Variants in CSMD1 observed in about 807,000 individuals in gnomAD.
The protein encoded by CSMD1 is CUB and Sushi multiple domains 1, also known as CUB and sushi domain-containing protein 1.
CSMD1 carries 213 observed loss-of-function variants against 417.5 expected under a neutral mutation model. The observed-to-expected ratio is 0.51, with a 90% CI of 0.46 to 0.57. The LOEUF (loss-of-function observed/expected upper bound fraction) is 0.57. CSMD1 is among the 20% of genes least tolerant of loss of function. The probability of loss-of-function intolerance (pLI) is 0.00; values close to 1 mark genes in which losing one functional copy is unlikely to be tolerated. For missense variants in CSMD1, 6,923 were observed against 4,529.7 expected, an observed-to-expected ratio of 1.53 and a Z score of -15.17; for synonymous variants, 2,862 against 1,736.8, an observed-to-expected ratio of 1.65 and a Z score of -16.11.
At chr8:3,662,090 C>T (rs1184539892) in intron 7 of CSMD1, among the ~76,000 whole-genome samples, 3 of 152,104 alleles carry the variant, frequency 2.0e-5, no homozygotes, top group South Asian at 2.1e-4. Context: ...AGAGAAGGAG[C>T]ATGCTTAAAG....
chr8:4,063,848 C>T (rs971281125), intron 3 of CSMD1, among the ~76,000 whole-genome samples: 1 of 152,248 alleles, frequency 6.6e-6, no homozygotes, highest in Admixed American at 6.5e-5. Context: ...CAGGAGTAGA[C>T]TATGACTTTG....
At chr8:4,197,525 G>T (rs748729137) in intron 3 of CSMD1, among the ~76,000 whole-genome samples, 1 of 152,168 alleles carries the variant, frequency 6.6e-6, no homozygotes, top group Admixed American at 6.5e-5. Context: ...GAGTTCCCTT[G>T]CCTGATGGTC....
intron 10 of CSMD1, among the ~76,000 whole-genome samples, chr8:3,501,539 A>C (rs1450539476): frequency 6.6e-6 from 1 of 152,220 alleles, no homozygotes; most frequent in Admixed American, 6.5e-5. Flanking sequence ...TAAATGCTTT[A>C]ATTAATAACT....
At chr8:4,323,203 G>A (rs1022115517) in intron 3 of CSMD1, among the ~76,000 whole-genome samples, 12 of 152,098 alleles carry the variant, frequency 7.9e-5, no homozygotes, top group Non-Finnish European at 1.3e-4. Flanking sequence ...AAACTCCTAT[G>A]CAGACCCATG....
chr8:4,484,570 T>A (rs915582400), intron 2 of CSMD1, among the ~76,000 whole-genome samples: 8 of 152,102 alleles, frequency 5.3e-5, no homozygotes, highest in Non-Finnish European at 1.2e-4. Context: ...CACAGATTCA[T>A]CACTCGCTCT....
At chr8:3,550,024 T>C (rs1798840858) in intron 10 of CSMD1, among the ~76,000 whole-genome samples, 1 of 152,196 alleles carries the variant, frequency 6.6e-6, no homozygotes, top group African/African-American at 2.4e-5. Flanking sequence ...CCTTCTTACA[T>C]TTAACTCTGA....
intron 6 of CSMD1, among the ~76,000 whole-genome samples, chr8:3,738,314 T>C (rs1473699551): frequency 2.0e-5 from 3 of 152,218 alleles, no homozygotes; most frequent in Admixed American, 2.0e-4. Context: ...TATGTGTATT[T>C]TGCATATTTC....
At chr8:3,039,018 T>C (rs879403042) in intron 50 of CSMD1, among the ~76,000 whole-genome samples, 1 of 152,122 alleles carries the variant, frequency 6.6e-6, no homozygotes, top group Non-Finnish European at 1.5e-5. Flanking sequence ...GGTCAACTCT[T>C]GAGTACTTTG....
intron 3 of CSMD1, among the ~76,000 whole-genome samples, chr8:4,094,352 T>A (rs1274349950): frequency 6.6e-6 from 1 of 152,068 alleles, no homozygotes; most frequent in Non-Finnish European, 1.5e-5. Flanking sequence ...TGAGCTGGAC[T>A]CATGGGTAAC....
At chr8:4,630,077 T>A (rs1290420942) in intron 2 of CSMD1, among the ~76,000 whole-genome samples, 1 of 152,196 alleles carries the variant, frequency 6.6e-6, no homozygotes, top group Non-Finnish European at 1.5e-5. Flanking sequence ...ACCATCCGTT[T>A]TTAGCTACCG....
At chr8:4,538,125 G>T (rs987019968) in intron 2 of CSMD1, among the ~76,000 whole-genome samples, 1 of 151,752 alleles carries the variant, frequency 6.6e-6, no homozygotes, top group Admixed American at 6.6e-5. Context: ...ATAGACCAGA[G>T]CCTGTGATGT....
At chr8:3,444,230 A>C (rs1585173792) in intron 12 of CSMD1, among the ~76,000 whole-genome samples, 1 of 152,188 alleles carries the variant, frequency 6.6e-6, no homozygotes, top group Non-Finnish European at 1.5e-5. Flanking sequence ...TGGATGACTA[A>C]TTTCAGGTTT....
intron 4 of CSMD1, among the ~76,000 whole-genome samples, chr8:4,010,405 G>C (rs1405827642): frequency 6.6e-6 from 1 of 152,086 alleles, no homozygotes; most frequent in Admixed American, 6.5e-5. Flanking sequence ...CTCTACCTCT[G>C]CACAAATTCT....
intron 49 of CSMD1, 31 bp downstream of exon 49, chr8:3,087,066 A>G (rs751046093): frequency 1.0e-5 from 16 of 1,585,784 alleles, no homozygotes; most frequent in Non-Finnish European, 1.4e-5. Flanking sequence ...TACACAGGAA[A>G]CAAGGCTGGG....
intron 5 of CSMD1, among the ~76,000 whole-genome samples, chr8:3,910,471 C>T (rs1178426484): frequency 6.6e-6 from 1 of 152,130 alleles, no homozygotes; most frequent in East Asian, 1.9e-4. Context: ...TTATTTTGTT[C>T]ACTTTATATT....
chr8:3,812,155 C>T (rs1801126070), intron 5 of CSMD1, among the ~76,000 whole-genome samples: 2 of 152,240 alleles, frequency 1.3e-5, no homozygotes, highest in South Asian at 2.1e-4. Flanking sequence ...CATGACAATT[C>T]TGTAAGTCTA....
At chr8:2,954,486 A>G (rs1802860064) in intron 64 of CSMD1, among the ~76,000 whole-genome samples, 1 of 152,160 alleles carries the variant, frequency 6.6e-6, no homozygotes, top group Non-Finnish European at 1.5e-5. Context: ...ATCAATGTAC[A>G]TCTATCTACG....
chr8:4,533,289 G>A (rs533823753), intron 2 of CSMD1, among the ~76,000 whole-genome samples: 2 of 152,172 alleles, frequency 1.3e-5, no homozygotes, highest in Admixed American at 6.5e-5. Flanking sequence ...ATATCATGCT[G>A]AGGAAGCCAA....
At chr8:4,860,519 A>T (rs1299099159) in intron 1 of CSMD1, among the ~76,000 whole-genome samples, 1 of 151,976 alleles carries the variant, frequency 6.6e-6, no homozygotes, top group Non-Finnish European at 1.5e-5. Context: ...AAGCTCTCTG[A>T]GGCCTCGCTG....
Sources: gnomAD v4.1 joint callset for allele counts (sites outside exome capture counted in the v4.1 genomes callset) on GRCh38, gnomAD v4.1.1 for gene constraint, MANE v1.5 for transcripts, NCBI Gene and HGNC (gene_info 2026-07-23, HGNC 2026-07-21) for gene names.